Variants in EXPH5 observed in about 807,000 individuals in gnomAD.
EXPH5 encodes exophilin-5.
EXPH5 carries 42 observed loss-of-function variants against 41.1 expected under a neutral mutation model. That is an observed-to-expected ratio of 1.02 (90% CI 0.80 to 1.32). The LOEUF is 1.32. Among genes scored for constraint, EXPH5 ranks in the 40% most tolerant of loss-of-function variants. EXPH5 has a pLI of 0.00. For synonymous variants in EXPH5, 798 were observed against 833.5 expected (o/e 0.96, Z 0.73); for missense variants, 2,298 against 2,314.5 (o/e 0.99, Z 0.15).
chr11:108,567,553 T>C (rs894487503), intron 1 of EXPH5, among the ~76,000 whole-genome samples: 4 of 152,236 alleles, frequency 2.6e-5, no homozygotes, highest in African/African-American at 7.2e-5. Flanking sequence ...TGAATTCTCA[T>C]GTCCTGTCCT....
At chr11:108,558,738 C>T (rs2094000009) in intron 1 of EXPH5, among the ~76,000 whole-genome samples, 1 of 152,178 alleles carries the variant, frequency 6.6e-6, no homozygotes, top group Non-Finnish European at 1.5e-5. Context: ...TACCTTCATG[C>T]TGCTGCTGAA....
intron 1 of EXPH5, among the ~76,000 whole-genome samples, chr11:108,551,720 T>G (rs369470749): frequency 2.8e-4 from 42 of 152,304 alleles, no homozygotes; most frequent in African/African-American, 9.9e-4. Context: ...TCCTACAAGT[T>G]CAGCCATCAG....
intron 3 of EXPH5, among the ~76,000 whole-genome samples, chr11:108,534,583 C>A (rs551343879): frequency 6.6e-6 from 1 of 152,302 alleles, no homozygotes; most frequent in African/African-American, 2.4e-5. Context: ...TTCTTAATTG[C>A]CTGGCTTAGT....
chr11:108,560,052 T>C (rs991285092), intron 1 of EXPH5, among the ~76,000 whole-genome samples: 2 of 152,298 alleles, frequency 1.3e-5, no homozygotes, highest in East Asian at 3.9e-4. Context: ...TAGTCAAATA[T>C]GCAAGCCAGA....
chr11:108,532,850 C>T (rs1162234694), intron 3 of EXPH5, among the ~76,000 whole-genome samples: 1 of 152,138 alleles, frequency 6.6e-6, no homozygotes, highest in African/African-American at 2.4e-5. Flanking sequence ...ATGTCACTTT[C>T]TCCGGGAGCC....
At chr11:108,573,854 A>C (rs2136104505) in intron 1 of EXPH5, among the ~76,000 whole-genome samples, 1 of 152,280 alleles carries the variant, frequency 6.6e-6, no homozygotes, top group South Asian at 2.1e-4. Context: ...AGACCAATGT[A>C]GGCAACATAG....
chr11:108,539,676 C>T (rs2093901537), intron 2 of EXPH5, among the ~76,000 whole-genome samples: 1 of 152,172 alleles, frequency 6.6e-6, no homozygotes, highest in African/African-American at 2.4e-5. Context: ...TTGCTACACA[C>T]ATGGTTTACA....
At chr11:108,548,130 A>G (rs2136049416) in intron 1 of EXPH5, among the ~76,000 whole-genome samples, 1 of 151,660 alleles carries the variant, frequency 6.6e-6, no homozygotes, top group East Asian at 1.9e-4. Context: ...AAAAAAAAAA[A>G]AAAAAATCAG....
chr11:108,580,880 T>C (rs1245807515), intron 1 of EXPH5, among the ~76,000 whole-genome samples: 1 of 151,990 alleles, frequency 6.6e-6, no homozygotes, highest in Non-Finnish European at 1.5e-5. Context: ...AAAAGTAGAA[T>C]AGAAGATATT....
At chr11:108,519,711 G>A (rs1009558081) in intron 4 of EXPH5, among the ~76,000 whole-genome samples, 5 of 151,408 alleles carry the variant, frequency 3.3e-5, no homozygotes, top group African/African-American at 1.2e-4. Flanking sequence ...TCATGCCACT[G>A]CACACCAGCC....
At chr11:108,569,117 T>A (rs973842412) in intron 1 of EXPH5, among the ~76,000 whole-genome samples, 11 of 152,066 alleles carry the variant, frequency 7.2e-5, no homozygotes, top group South Asian at 2.1e-4. Context: ...CTCCCTGTAG[T>A]CTTTCACATC....
chr11:108,578,746 A>T (rs2094088220), intron 1 of EXPH5, among the ~76,000 whole-genome samples: 1 of 152,086 alleles, frequency 6.6e-6, no homozygotes, highest in Non-Finnish European at 1.5e-5. Context: ...GAGATCTTTC[A>T]GTTCTTTGGT....
At chr11:108,553,021 G>T (rs1261107022) in intron 1 of EXPH5, among the ~76,000 whole-genome samples, 2 of 151,936 alleles carry the variant, frequency 1.3e-5, no homozygotes, top group South Asian at 4.1e-4. Flanking sequence ...CATGGTGAAA[G>T]CCTGTCTCTA....
intron 3 of EXPH5, among the ~76,000 whole-genome samples, chr11:108,531,483 T>C (rs1458289263): frequency 4.6e-5 from 7 of 152,232 alleles, no homozygotes; most frequent in Non-Finnish European, 1.0e-4. Flanking sequence ...GGCTTTTCTT[T>C]AATCTGGCAA....
At chr11:108,606,917 C>T in the EXPH5 span, among the ~76,000 whole-genome samples, 1 of 152,112 alleles carries the variant, frequency 6.6e-6, no homozygotes, top group African/African-American at 2.4e-5. Flanking sequence ...TTTCTATTTA[C>T]CTTTTCAGAC....
At chr11:108,593,848 C>T, upstream of EXPH5, 1 of 1,045,784 alleles carries the variant, frequency 9.6e-7, no homozygotes, top group South Asian at 1.4e-5. Context: ...TCCCCTCCCT[C>T]GTCTCGTCCC....
chr11:108,570,253 A>G (rs1036448457), intron 1 of EXPH5, among the ~76,000 whole-genome samples: 5 of 152,002 alleles, frequency 3.3e-5, no homozygotes. Flanking sequence ...AAAATAAAAA[A>G]AATTATTTTT....
the EXPH5 span, among the ~76,000 whole-genome samples, chr11:108,606,213 C>T: frequency 6.6e-6 from 1 of 152,114 alleles, no homozygotes; most frequent in Non-Finnish European, 1.5e-5. Flanking sequence ...CCTTCTACAC[C>T]AAATCCCCAA....
At chr11:108,573,139 G>GGAAAGAAA (rs3054581) in intron 1 of EXPH5, among the ~76,000 whole-genome samples, 14,976 of 90,278 alleles carry the variant, frequency 0.17, 1,453 homozygotes, top group Middle Eastern at 0.21. Context: ...AAGGAAAGAA[G>GGAAAGAAA]GAAAGAAAGA....
Sources: allele counts gnomAD v4.1 joint callset (sites outside exome capture counted in the v4.1 genomes callset), GRCh38; gene constraint gnomAD v4.1.1; transcripts MANE v1.5; gene names NCBI Gene and HGNC (gene_info 2026-07-23, HGNC 2026-07-21).